The following TRIP12 variants were observed in gnomAD, a reference collection of about 807,000 sequenced individuals.
TRIP12 encodes the protein thyroid hormone receptor interactor 12.
Under a neutral mutation model 244.2 loss-of-function variants are expected in TRIP12, and 25 were observed. The ratio of observed to expected loss-of-function variants is 0.10; its 90% CI spans 0.07 to 0.14. The LOEUF is 0.14. Ranked by LOEUF, TRIP12 falls within the 10% of genes least tolerant of loss-of-function variation. TRIP12 has a pLI of 1.00. For missense variants in TRIP12, 1,677 were observed against 2,486.4 expected (o/e 0.67, Z 6.92); for synonymous variants, 905 against 873.1 (o/e 1.04, Z -0.64).
At chr2:229,791,761 C>T in intron 29 of TRIP12, 105 bp downstream of exon 29, 1 of 1,192,112 alleles carries the variant, frequency 8.4e-7, no homozygotes, top group Non-Finnish European at 1.2e-6. Context: ...TGATTTAGGG[C>T]CCCCTATCCT....
chr2:229,791,788 T>G (rs1323111504), intron 29 of TRIP12, 78 bp downstream of exon 29: 4 of 1,476,774 alleles, frequency 2.7e-6, no homozygotes, highest in Non-Finnish European at 3.7e-6. Context: ...AGCCAGCCAT[T>G]AAGTTAATGT....
intron 2 of TRIP12, among the ~76,000 whole-genome samples, chr2:229,879,470 C>G (rs1295842033): frequency 6.6e-6 from 1 of 152,148 alleles, no homozygotes; most frequent in Non-Finnish European, 1.5e-5. Flanking sequence ...AAAAGAAACA[C>G]CAGACCACTA....
intron 38 of TRIP12, among the ~76,000 whole-genome samples, chr2:229,772,503 G>A (rs1057019311): frequency 7.2e-5 from 11 of 152,100 alleles, no homozygotes; most frequent in Admixed American, 3.3e-4. Context: ...TCGCTCTGTC[G>A]CCTAGGCTGG....
At chr2:229,798,802 C>T (rs959562205) in intron 23 of TRIP12, 73 bp downstream of exon 23, 39 of 1,513,996 alleles carry the variant, frequency 2.6e-5, no homozygotes, top group Middle Eastern at 1.7e-4. Flanking sequence ...ACACAATAAA[C>T]GTACTGGCTG....
chr2:229,898,320 C>T (rs1576868326), intron 1 of TRIP12, among the ~76,000 whole-genome samples: 1 of 152,278 alleles, frequency 6.6e-6, no homozygotes, highest in East Asian at 1.9e-4. Flanking sequence ...AGATTTCCCC[C>T]AATAACAAAG....
chr2:229,811,560 T>A (rs894080275), intron 13 of TRIP12, among the ~76,000 whole-genome samples: 1 of 152,140 alleles, frequency 6.6e-6, no homozygotes, highest in African/African-American at 2.4e-5. Flanking sequence ...AGTAGAAATG[T>A]TTAAGTGGGT....
intron 34 of TRIP12, among the ~76,000 whole-genome samples, chr2:229,781,752 A>T (rs1260569780): frequency 1.3e-5 from 2 of 152,152 alleles, no homozygotes; most frequent in Admixed American, 1.3e-4. Flanking sequence ...ATTCTTCCTA[A>T]AGGCCACCAG....
At chr2:229,785,316 A>C (rs1272661426) in intron 34 of TRIP12, among the ~76,000 whole-genome samples, 1 of 152,212 alleles carries the variant, frequency 6.6e-6, no homozygotes, top group Non-Finnish European at 1.5e-5. Context: ...GATTTTGCAA[A>C]GTGAAATGGG....
intron 1 of TRIP12, among the ~76,000 whole-genome samples, chr2:229,900,239 C>T (rs1456431329): frequency 6.6e-6 from 1 of 152,164 alleles, no homozygotes; most frequent in Non-Finnish European, 1.5e-5. Flanking sequence ...AATTGTTTCG[C>T]AAAAAGTAGA....
chr2:229,881,525 AAGT>A (rs796652886), intron 1 of TRIP12, among the ~76,000 whole-genome samples: 7 of 152,358 alleles, frequency 4.6e-5, no homozygotes, highest in East Asian at 1.9e-4. Context: ...TGTAATAAGA[AAGT>A]AGTTTTCTTT....
In TRIP12 at chr2:229,836,940, C is replaced by T. The variant is rs776287365; in HGVS notation, c.1178G>A (p.Arg393His). The T allele has an allele frequency of 1.0e-5, 16 of 1,595,452 alleles. No individual in the cohort carries two copies. Among genetic ancestry groups the T allele is most frequent in the East Asian group, 2.3e-5 (1 of 42,714 alleles). ...AGGGTCTGCCATTTTCTCCTGTCGA[C>T]GAGCTTCAGCTGCTCCTCTTTTGCC... The part of the protein sequence containing the change: ...GLGKRGAAEA[R>H]RQEKMADPES... Residue 393 changes from arginine to histidine, a missense_variant, in exon 6 of 42, where the codon CGT (arginine) becomes CAT (histidine). Physicochemically the swap from Arg to His is conservative, Grantham distance 29. Transcript: ENST00000675903.
intron 20 of TRIP12, among the ~76,000 whole-genome samples, chr2:229,803,307 T>G (rs2044946478): frequency 6.6e-6 from 1 of 152,168 alleles, no homozygotes; most frequent in Non-Finnish European, 1.5e-5. Context: ...AAAGACTGGG[T>G]TTCACCATGT....
At chr2:229,780,903 G>A (rs1046747104) in intron 34 of TRIP12, among the ~76,000 whole-genome samples, 1 of 152,146 alleles carries the variant, frequency 6.6e-6, no homozygotes, top group African/African-American at 2.4e-5. Flanking sequence ...CTAGAGGCCT[G>A]AGGAACAAAA....
chr2:229,777,729 T>A (rs1179846672), intron 36 of TRIP12, among the ~76,000 whole-genome samples: 4 of 152,212 alleles, frequency 2.6e-5, no homozygotes, highest in African/African-American at 9.6e-5. Context: ...GGAAAAAACT[T>A]ACTATATTTA....
In TRIP12 at chr2:229,807,701, C is replaced by T; in HGVS notation, c.2496+7G>A. 4 of 1,614,138 alleles carry T rather than the reference C, an allele frequency of 2.5e-6. No individual in the cohort carries two copies. Among genetic ancestry groups the T allele is most frequent in the Non-Finnish European group, 3.4e-6 (4 of 1,180,012 alleles). Reference sequence around the variant, plus strand: ...GACACATTTAAACGGTACGATGAAACTACTACCTCAATGATCCGGCTGTCA... The same window carrying T: ...GACACATTTAAACGGTACGATGAAATTACTACCTCAATGATCCGGCTGTCA... On this transcript the variant is annotated splice_region_variant and intron_variant, in intron 17 of 41. Coordinates refer to ENST00000675903, the MANE Select transcript of TRIP12 (RefSeq NM_001348323.3).
chr2:229,792,312 T>C (rs893211935), intron 27 of TRIP12, 86 bp from the exon 28 acceptor site: 26 of 1,298,682 alleles, frequency 2.0e-5, no homozygotes, highest in Admixed American at 4.0e-5. Flanking sequence ...TTAAACATAT[T>C]CTTAGAAAAC....
chr2:229,834,185 G>A (rs1046555286), intron 6 of TRIP12, among the ~76,000 whole-genome samples: 11 of 152,334 alleles, frequency 7.2e-5, no homozygotes, highest in Non-Finnish European at 1.5e-4. Context: ...ATACTGGAGA[G>A]ATGTTGTCTA....
intron 1 of TRIP12, among the ~76,000 whole-genome samples, chr2:229,904,227 A>G (rs1190147551): frequency 6.6e-6 from 1 of 151,828 alleles, no homozygotes; most frequent in Non-Finnish European, 1.5e-5. Flanking sequence ...AAACCAACCC[A>G]GTCAACATAG....
At chr2:229,886,265 C>T (rs990314447) in intron 1 of TRIP12, among the ~76,000 whole-genome samples, 4 of 152,028 alleles carry the variant, frequency 2.6e-5, no homozygotes, top group Admixed American at 6.6e-5. Context: ...TATTAGTTCA[C>T]GTTTGAATTA....
Sources: gnomAD v4.1 joint callset for allele counts (sites outside exome capture counted in the v4.1 genomes callset) on GRCh38, gnomAD v4.1.1 for gene constraint, MANE v1.5 for transcripts, NCBI Gene and HGNC (gene_info 2026-07-23, HGNC 2026-07-21) for gene names.